LYST: variants seen among roughly 807,000 people sequenced by gnomAD.
LYST encodes lysosomal-trafficking regulator.
A neutral mutation model predicts 413.6 loss-of-function variants in LYST; 192 were observed. The ratio of observed to expected loss-of-function variants is 0.46; its 90% CI spans 0.41 to 0.52. LYST has a LOEUF of 0.52. Among genes scored for constraint, LYST ranks in the 20% least tolerant of loss-of-function variants. The pLI is 0.00. For synonymous variants in LYST, 1,525 were observed against 1,567.3 expected (o/e 0.97, Z 0.64); for missense variants, 3,815 against 4,499.9 (o/e 0.85, Z 4.35).
intron 20 of LYST, among the ~76,000 whole-genome samples, chr1:235,769,578 T>C (rs989110604): frequency 1.3e-5 from 2 of 152,030 alleles, no homozygotes; most frequent in Non-Finnish European, 2.9e-5. Flanking sequence ...TTGTCTAATA[T>C]ACCAACCAAG....
At chr1:235,850,391 G>A (rs530838507) in intron 1 of LYST, among the ~76,000 whole-genome samples, 34 of 152,212 alleles carry the variant, frequency 2.2e-4, no homozygotes, top group Non-Finnish European at 4.7e-4. Flanking sequence ...ATGTACTAAG[G>A]ACTTAAACTT....
chr1:235,780,482 T>C (rs1198116552), intron 16 of LYST, among the ~76,000 whole-genome samples: 1 of 151,968 alleles, frequency 6.6e-6, no homozygotes, highest in Non-Finnish European at 1.5e-5. Context: ...ACATTATAAA[T>C]GGATATTATT....
intron 1 of LYST, among the ~76,000 whole-genome samples, chr1:235,861,494 C>T (rs1272856736): frequency 1.3e-5 from 2 of 152,148 alleles, no homozygotes; most frequent in Non-Finnish European, 2.9e-5. Context: ...ACAGTGCCCT[C>T]AAAGACTCCA....
chr1:235,778,849 G>C (rs1435701118), intron 16 of LYST, among the ~76,000 whole-genome samples: 1 of 151,714 alleles, frequency 6.6e-6, no homozygotes, highest in Admixed American at 6.6e-5. Flanking sequence ...CCTGACATGA[G>C]GGTACCATTT....
At chr1:235,738,988 A>G (rs377343766) in intron 31 of LYST, 8 of 715,156 alleles carry the variant, frequency 1.1e-5, no homozygotes, top group African/African-American at 1.0e-4. Flanking sequence ...CTGCAATTTT[A>G]AAGTCTTCTG....
intron 14 of LYST, among the ~76,000 whole-genome samples, chr1:235,783,137 A>G (rs1305799750): frequency 6.6e-6 from 1 of 152,242 alleles, no homozygotes; most frequent in Non-Finnish European, 1.5e-5. Flanking sequence ...AAGTCTAAAT[A>G]AAATTTGTAA....
intron 16 of LYST, among the ~76,000 whole-genome samples, chr1:235,780,146 C>G (rs1240473521): frequency 6.6e-6 from 1 of 152,018 alleles, no homozygotes; most frequent in Admixed American, 6.6e-5. Context: ...GTGGCTCATG[C>G]CTGTAATCTC....
rs535895067 is a variant in LYST at position 235,804,291 on chromosome 1, T to A, written c.3555+213A>T. Among the ~76,000 whole-genome samples, 16 of 152,346 alleles carry A rather than the reference T, an allele frequency of 1.1e-4. No individual in the cohort carries two copies. The East Asian group carries it at 3.1e-3, about 29-fold the overall frequency. ...AGATTAGATAAGGAAAAGCTTATCA[T>A]ATCACTCTCCTGTTATGTATAAGAC... On this transcript the variant is annotated intron_variant, in intron 7 of 52. Coordinates refer to ENST00000389793, the MANE Select transcript of LYST (RefSeq NM_000081.4).
At chr1:235,837,203 T>A (rs186947988) in intron 1 of LYST, among the ~76,000 whole-genome samples, 1 of 152,100 alleles carries the variant, frequency 6.6e-6, no homozygotes, top group African/African-American at 2.4e-5. Flanking sequence ...ATGGAGAGGG[T>A]AAGTATCCAA....
chr1:235,751,517 T>C (rs541830853), intron 27 of LYST, among the ~76,000 whole-genome samples, 155 bp from the exon 28 acceptor site: 1 of 152,350 alleles, frequency 6.6e-6, no homozygotes, highest in East Asian at 1.9e-4. Context: ...TAAATTCTTG[T>C]TAAAAGCAAT....
At position 235,744,172 on chromosome 1, in the gene LYST, AAAG is replaced by A; in HGVS notation, c.7973-18_7973-16del. The A allele has an allele frequency of 7.2e-7, 1 of 1,395,754 alleles. No homozygotes were observed. The highest frequency in any genetic ancestry group is 1.0e-6 in the Non-Finnish European group (1 of 981,272). The allele number at this position is 1,395,754 out of a possible 1,614,324, so 86.5% of individuals were successfully genotyped here. A position where few individuals can be genotyped will look rare whatever the true frequency, so the allele number is the denominator to read the frequency against. ...TGAATTAAATTCTTTGAATTGAAAA[AAAG>A]AATACAAAATTAGTCATATCACTGC... On this transcript the variant is annotated splice_polypyrimidine_tract_variant and intron_variant, in intron 29 of 52. Coordinates refer to ENST00000389793, the MANE Select transcript of LYST (RefSeq NM_000081.4).
chr1:235,777,420 T>C (rs1669385378), intron 16 of LYST, 112 bp from the exon 17 acceptor site: 1 of 914,260 alleles, frequency 1.1e-6, no homozygotes, highest in African/African-American at 1.7e-5. Context: ...CTTTTCTTTG[T>C]TTAAAAAACA....
chr1:235,752,798 A>G (rs1280858802), intron 26 of LYST, among the ~76,000 whole-genome samples: 1 of 152,110 alleles, frequency 6.6e-6, no homozygotes, highest in African/African-American at 2.4e-5. Context: ...CAAATCAAGA[A>G]AGGGTTAGAA....
At chr1:235,846,673 G>T (rs1053522941) in intron 1 of LYST, among the ~76,000 whole-genome samples, 1 of 151,386 alleles carries the variant, frequency 6.6e-6, no homozygotes, top group Non-Finnish European at 1.5e-5. Flanking sequence ...ATAGCATAAA[G>T]AAAAAAAACA....
At chr1:235,822,552 A>G (rs183262171) in intron 3 of LYST, among the ~76,000 whole-genome samples, 2 of 152,344 alleles carry the variant, frequency 1.3e-5, no homozygotes, top group Admixed American at 1.3e-4. Context: ...ACTGATGCAT[A>G]CCATGAGATC....
chr1:235,734,022 C>T, intron 32 of LYST, 116 bp from the exon 33 acceptor site: 1 of 570,114 alleles, frequency 1.8e-6, no homozygotes, highest in Non-Finnish European at 3.1e-6. Context: ...AACAATTGTC[C>T]CTAGGAGACC....
chr1:235,683,701 C>G (rs935646572), intron 48 of LYST, among the ~76,000 whole-genome samples: 3 of 152,182 alleles, frequency 2.0e-5, no homozygotes, highest in African/African-American at 7.2e-5. Context: ...CATCTTTTGT[C>G]TGTGTTAAAG....
chr1:235,872,356 C>G (rs560446802), intron 1 of LYST, among the ~76,000 whole-genome samples: 9 of 150,768 alleles, frequency 6.0e-5, no homozygotes, highest in Non-Finnish European at 1.2e-4. Context: ...AAATGAAGAC[C>G]GGAAGACCCA....
intron 1 of LYST, among the ~76,000 whole-genome samples, chr1:235,879,943 G>A (rs1254426114): frequency 6.6e-6 from 1 of 152,158 alleles, no homozygotes; most frequent in African/African-American, 2.4e-5. Flanking sequence ...CACCATGTTA[G>A]CCAGGGTGAT....
Sources: allele counts gnomAD v4.1 joint callset (sites outside exome capture counted in the v4.1 genomes callset), GRCh38; gene constraint gnomAD v4.1.1; transcripts MANE v1.5; gene names NCBI Gene and HGNC (gene_info 2026-07-23, HGNC 2026-07-21).